MYH9: variants seen among roughly 807,000 people sequenced by gnomAD.
The protein encoded by MYH9 is myosin heavy chain 9.
In MYH9, 29 loss-of-function variants were observed where a neutral mutation model predicts 241.9. That is an observed-to-expected ratio of 0.12 (90% confidence interval 0.09 to 0.16). The LOEUF (loss-of-function observed/expected upper bound fraction) is 0.16, where lower values mean the gene tolerates loss of function less well. Among genes scored for constraint, MYH9 ranks in the 10% least tolerant of loss-of-function variants. MYH9 has a pLI of 1.00. For synonymous variants in MYH9, 1,047 were observed against 1,062.6 expected, an observed-to-expected ratio of 0.99 and a Z score of 0.29; for missense variants, 1,803 against 2,595.5, an observed-to-expected ratio of 0.69 and a Z score of 6.63.
At chr22:36,325,485 G>T (rs1156416184) in intron 5 of MYH9, among the ~76,000 whole-genome samples, 3 of 152,248 alleles carry the variant, frequency 2.0e-5, no homozygotes, top group African/African-American at 7.2e-5. Context: ...TTTCACAGGG[G>T]AGGTTAAGAG....
In MYH9 at chr22:36,321,783, G is replaced by A. The variant is rs371035780; in HGVS notation, c.744C>T (p.Tyr248=). 6.2e-6 allele frequency: 10 copies of A among 1,614,070 alleles called. No homozygotes were observed. The highest frequency in any genetic ancestry group is 3.3e-5 in the Admixed American group (2 of 60,018). ...FIRINFDVNG[Y]IVGANIETYL... Reference sequence around the variant, plus strand: ...AAGTCTCAATGTTGGCTCCAACAATGTAGCCATTGACATCAAAGTTGATGC... The same window carrying A: ...AAGTCTCAATGTTGGCTCCAACAATATAGCCATTGACATCAAAGTTGATGC... The change falls in exon 7 of 41, where the codon TAC becomes TAT. Residue 248 remains tyrosine, a synonymous_variant. Transcript: ENST00000216181.
intron 5 of MYH9, among the ~76,000 whole-genome samples, chr22:36,326,202 C>T (rs998587083): frequency 2.0e-5 from 3 of 152,200 alleles, no homozygotes; most frequent in African/African-American, 7.2e-5. Flanking sequence ...ACAGGTCTGC[C>T]TGAGACCTTT....
chr22:36,340,984 C>T (rs924660623), intron 3 of MYH9, among the ~76,000 whole-genome samples: 1 of 151,908 alleles, frequency 6.6e-6, no homozygotes, highest in Non-Finnish European at 1.5e-5. Flanking sequence ...ATGGGAAGAA[C>T]TCGAACGTGT....
intron 19 of MYH9, among the ~76,000 whole-genome samples, chr22:36,302,881 C>T (rs1026587081): frequency 2.0e-5 from 3 of 152,218 alleles, no homozygotes; most frequent in African/African-American, 7.2e-5. Context: ...ACTAATCTTA[C>T]AGTCGGTGAA....
chr22:36,321,756 A>G lies in MYH9; in HGVS notation c.769+2T>C. ...TCTTATCCCAACGAACCACAAGGAT[A>G]CAAGTCTCAATGTTGGCTCCAACAA... On this transcript the variant is annotated splice_donor_variant, in intron 7 of 40. Coordinates refer to ENST00000216181, the MANE Select transcript of MYH9 (RefSeq NM_002473.6). LOFTEE classifies it high-confidence loss of function. 6.2e-7 allele frequency: 1 copy of G among 1,613,844 alleles called. No homozygotes were observed. Among genetic ancestry groups the G allele is most frequent in the Non-Finnish European group, 8.5e-7 (1 of 1,179,706 alleles).
Position 36,306,520 on chromosome 22 carries a change from C to T in MYH9, c.1931G>A (p.Arg644His). 1 of 1,614,150 alleles carries T rather than the reference C, an allele frequency of 6.2e-7. No individual in the cohort carries two copies. Among genetic ancestry groups the T allele is most frequent in the Non-Finnish European group, 8.5e-7 (1 of 1,180,032 alleles). Residue 644 changes from arginine (R) to histidine (H), a missense_variant, in exon 16 of 41, where the codon CGC (arginine) becomes CAC (histidine). Coordinates refer to ENST00000216181, the MANE Select transcript of MYH9 (RefSeq NM_002473.6). This position sits in a 1 kb window ranked among gnomAD's most constrained non-coding sequence, Gnocchi z 4.1. Reference sequence around the variant, plus strand: ...CTCCTTGTAAAGCTGCCCCACAGTGCGGAACATGCCCTTCCGCGTCTTGAA... The same window carrying T: ...CTCCTTGTAAAGCTGCCCCACAGTGTGGAACATGCCCTTCCGCGTCTTGAA... ...GAFKTRKGMF[R>H]TVGQLYKEQL...
intron 3 of MYH9, among the ~76,000 whole-genome samples, chr22:36,337,841 C>T (rs2017522932): frequency 6.6e-6 from 1 of 152,142 alleles, no homozygotes; most frequent in Non-Finnish European, 1.5e-5. Context: ...GGGCAAGAAC[C>T]AAAGGTTCCT....
intron 30 of MYH9, among the ~76,000 whole-genome samples, chr22:36,292,692 T>G (rs1757291096): frequency 6.6e-6 from 1 of 152,244 alleles, no homozygotes; most frequent in Non-Finnish European, 1.5e-5. Flanking sequence ...GGTTCAGGCC[T>G]TCTGGCCTGG....
chr22:36,365,677 T>C (rs1760697343), intron 1 of MYH9, among the ~76,000 whole-genome samples: 2 of 152,048 alleles, frequency 1.3e-5, no homozygotes, highest in South Asian at 4.1e-4. Context: ...ACCAGGCTAG[T>C]CTCAAACCCC....
In MYH9 at chr22:36,285,532, C is replaced by T; in HGVS notation, c.5274+126G>A. ...GACCTTTCAGGTCCAGGTGCCTGGACATTTTCCCCTAAGCGCCTGGGGAGC... is the reference window on the plus strand; with the variant it reads ...GACCTTTCAGGTCCAGGTGCCTGGATATTTTCCCCTAAGCGCCTGGGGAGC... On this transcript the variant is annotated intron_variant, in intron 37 of 40. Transcript: ENST00000216181. This position sits in a 1 kb window ranked among gnomAD's most constrained non-coding sequence, Gnocchi z 7.0. 8 of 1,484,090 alleles carry T rather than the reference C, an allele frequency of 5.4e-6. No individual in the cohort carries two copies. The highest frequency in any genetic ancestry group is 7.3e-6 in the Non-Finnish European group (8 of 1,090,438). The allele number at this position is 1,484,090 out of a possible 1,614,324, so 91.9% of individuals were successfully genotyped here.
Position 36,294,309 on chromosome 22 carries a change from AG to A in MYH9, c.3631-12del. On this transcript the variant is annotated splice_polypyrimidine_tract_variant and intron_variant, in intron 27 of 40. Transcript: ENST00000216181. ...GAGGTTTGCTTTCACCTAGCAGGGAAGAAAGCAAAGACGTGAGTGGGGGCCT... is the reference window on the plus strand; with the variant it reads ...GAGGTTTGCTTTCACCTAGCAGGGAAAAAGCAAAGACGTGAGTGGGGGCCT... 1 of 1,612,946 alleles carries A rather than the reference AG, an allele frequency of 6.2e-7. No homozygotes were observed. The highest frequency in any genetic ancestry group is 8.5e-7 in the Non-Finnish European group (1 of 1,179,986).
chr22:36,342,631 CA>C (rs77958833), intron 2 of MYH9, among the ~76,000 whole-genome samples: 1,694 of 138,362 alleles, frequency 0.012, 8 homozygotes, highest in South Asian at 0.026. Flanking sequence ...TTTCCCCCAC[CA>C]AAAAAAAAAA....
chr22:36,319,713 G>A (rs555662761), intron 9 of MYH9, 78 bp from the exon 10 acceptor site: 2 of 1,402,008 alleles, frequency 1.4e-6, no homozygotes, highest in East Asian at 4.8e-5. Flanking sequence ...ACTCATCTAG[G>A]GATCCTCAAG....
At chr22:36,352,118 G>A (rs930767848) in intron 1 of MYH9, among the ~76,000 whole-genome samples, 3 of 152,204 alleles carry the variant, frequency 2.0e-5, no homozygotes, top group Non-Finnish European at 4.4e-5. Context: ...CCTCCTCCCA[G>A]AACAATTGTG....
Position 36,305,029 on chromosome 22 carries a change from TC to T in MYH9, c.2229+3del. On this transcript the variant is annotated splice_donor_region_variant and intron_variant, in intron 18 of 40. Transcript: ENST00000216181. This position sits in a 1 kb window ranked among gnomAD's most constrained non-coding sequence, Gnocchi z 4.7. ...AGAGAGGCAGGGACAGCAGCTCAAC[TC>T]ACCATGAGCACGCACGCCTGCTTCC... 6.2e-7 allele frequency: 1 copy of T among 1,613,632 alleles called. No individual in the cohort carries two copies. Among genetic ancestry groups the T allele is most frequent in the Non-Finnish European group, 8.5e-7 (1 of 1,179,756 alleles).
chr22:36,371,092 A>G (rs547747480), intron 1 of MYH9, among the ~76,000 whole-genome samples: 1 of 152,298 alleles, frequency 6.6e-6, no homozygotes, highest in African/African-American at 2.4e-5. Context: ...ATGTCCCTGG[A>G]TCAGAGAACC....
chr22:36,382,593 G>A (rs1487689047), intron 1 of MYH9, among the ~76,000 whole-genome samples: 5 of 147,042 alleles, frequency 3.4e-5, no homozygotes, highest in East Asian at 4.1e-4. Context: ...GCCTGAGGTC[G>A]GAAGTTCGAG....
intron 10 of MYH9, among the ~76,000 whole-genome samples, chr22:36,319,212 G>C (rs1284784147): frequency 6.6e-6 from 1 of 152,172 alleles, no homozygotes; most frequent in Non-Finnish European, 1.5e-5. Context: ...ATAATTTCAA[G>C]ATCTCGACAT....
At chr22:36,385,128 A>T (rs1318519618) in intron 1 of MYH9, among the ~76,000 whole-genome samples, 1 of 151,140 alleles carries the variant, frequency 6.6e-6, no homozygotes, top group Non-Finnish European at 1.5e-5. Context: ...TTTTTGGAAC[A>T]TGATGCTTGG....
Sources: allele counts gnomAD v4.1 joint callset (sites outside exome capture counted in the v4.1 genomes callset), GRCh38; gene constraint gnomAD v4.1.1; non-coding constraint Gnocchi (gnomAD v3.1); transcripts MANE v1.5; gene names NCBI Gene and HGNC (gene_info 2026-07-23, HGNC 2026-07-21).